ABI3BP: variants seen among roughly 807,000 people sequenced by gnomAD.
ABI3BP encodes ABI family member 3 binding protein, also known as target of Nesh-SH3.
In ABI3BP, 216 loss-of-function variants were observed where a neutral mutation model predicts 268.6. The observed-to-expected ratio is 0.80, with a 90% CI of 0.72 to 0.90. The LOEUF is 0.90. Among genes scored for constraint, ABI3BP ranks in the 40% least tolerant of loss-of-function variants. The pLI is 0.00. For missense variants in ABI3BP, 2,090 were observed against 2,182.4 expected, an observed-to-expected ratio of 0.96 and a Z score of 0.84; for synonymous variants, 730 against 730.0, an observed-to-expected ratio of 1.00 and a Z score of 0.00.
intron 4 of ABI3BP, among the ~76,000 whole-genome samples, chr3:100,894,735 C>A (rs933841113): frequency 1.1e-4 from 16 of 151,710 alleles, no homozygotes; most frequent in African/African-American, 3.1e-4. Flanking sequence ...GTCAGGAGAT[C>A]AAGAACATCC....
chr3:100,980,405 G>T (rs542586107), intron 1 of ABI3BP, among the ~76,000 whole-genome samples: 1 of 152,108 alleles, frequency 6.6e-6, no homozygotes, highest in East Asian at 1.9e-4. Flanking sequence ...ATCCAACATG[G>T]CATGCACAGT....
rs1226413134 is a variant in ABI3BP at position 100,921,628 on chromosome 3, A to G, written c.259+4674T>C. 2.0e-5 allele frequency among the ~76,000 whole-genome samples: 3 copies of G among 152,172 alleles called. No individual in the cohort carries two copies. In the East Asian group the frequency reaches 5.8e-4, roughly 29 times the overall value. ...ATATTTATTAATAGCCACTGGGGAA[A>G]ATACTGTTTTTCCTACTGCCCCTCT... On this transcript the variant is annotated intron_variant, in intron 2 of 67. Coordinates refer to ENST00000471714, the MANE Select transcript of ABI3BP (RefSeq NM_001375547.2).
At chr3:100,894,964 A>C (rs1420106738) in intron 4 of ABI3BP, among the ~76,000 whole-genome samples, 16 of 144,112 alleles carry the variant, frequency 1.1e-4, no homozygotes, top group African/African-American at 3.6e-4. Flanking sequence ...AAAAAAAAAA[A>C]AAACAGAAAA....
In ABI3BP at chr3:100,851,961, A is replaced by C. The variant is rs774868476; in HGVS notation, c.1286-21T>G. The stretch of plus-strand genomic sequence containing the variant: ...AGTTGCTTAAAAAAAAAAAAAAGGC[A>C]AAACAAGAGAGATGTTAATTTTGGT... On this transcript the variant is annotated intron_variant, in intron 14 of 67. Coordinates refer to ENST00000471714, the MANE Select transcript of ABI3BP (RefSeq NM_001375547.2). The C allele has an allele frequency of 2.9e-6, 4 of 1,362,672 alleles. No homozygotes were observed. Among genetic ancestry groups the C allele is most frequent in the Non-Finnish European group, 4.0e-6 (4 of 994,370 alleles). The allele number at this position is 1,362,672 out of a possible 1,614,324, so 84.4% of individuals were successfully genotyped here. A position where few individuals can be genotyped will look rare whatever the true frequency, so the allele number is the denominator to read the frequency against.
At chr3:100,772,069 T>C (rs1171029103) in intron 61 of ABI3BP, among the ~76,000 whole-genome samples, 1 of 152,224 alleles carries the variant, frequency 6.6e-6, no homozygotes, top group Non-Finnish European at 1.5e-5. Flanking sequence ...GATTTCTTAC[T>C]AGAAAGAATG....
chr3:100,856,733 T>A (rs188549038), intron 14 of ABI3BP, among the ~76,000 whole-genome samples: 182 of 152,304 alleles, frequency 1.2e-3, no homozygotes, highest in African/African-American at 4.1e-3. Context: ...TTAACACTTA[T>A]GGCATTATCA....
chr3:100,907,791 A>T, intron 2 of ABI3BP, among the ~76,000 whole-genome samples: 1 of 152,084 alleles, frequency 6.6e-6, no homozygotes, highest in East Asian at 1.9e-4. Context: ...AATTATTACC[A>T]CATACAGTTT....
At chr3:100,770,993 CT>C (rs2096529281) in intron 61 of ABI3BP, 41 bp from the exon 62 acceptor site, 1 of 1,431,564 alleles carries the variant, frequency 7.0e-7, no homozygotes, top group Non-Finnish European at 9.3e-7. Context: ...ATTTTTGAAA[CT>C]CATGAAGAAG....
At chr3:100,866,401 A>G (rs2099051471) in intron 10 of ABI3BP, among the ~76,000 whole-genome samples, 1 of 152,218 alleles carries the variant, frequency 6.6e-6, no homozygotes, top group Non-Finnish European at 1.5e-5. Context: ...TTACTGAACT[A>G]TTCTATATTC....
chr3:100,763,596 A>G (rs907242568), intron 63 of ABI3BP, among the ~76,000 whole-genome samples: 3 of 152,174 alleles, frequency 2.0e-5, no homozygotes, highest in African/African-American at 7.2e-5. Flanking sequence ...AATAAACAGG[A>G]CATATAATGA....
At chr3:100,761,701 GA>G (rs2095959498) in intron 63 of ABI3BP, among the ~76,000 whole-genome samples, 1 of 152,162 alleles carries the variant, frequency 6.6e-6, no homozygotes, top group African/African-American at 2.4e-5. Context: ...TGAGCATTCA[GA>G]ATTTCTAACA....
rs116329418 is a variant in ABI3BP at position 100,784,076 on chromosome 3, C to T, written c.4162+3652G>A. Among the ~76,000 whole-genome samples, 546 of 152,290 alleles carry T rather than the reference C, an allele frequency of 3.6e-3. 4 individuals carry two copies. Among genetic ancestry groups the T allele is most frequent in the Non-Finnish European group, 5.3e-3 (360 of 68,030 alleles). On this transcript the variant is annotated intron_variant, in intron 57 of 67. Transcript: ENST00000471714. ...AGCAATGTCTATCTACACATACATG[C>T]ATAAAATACACATACATCAGGGAAA...
rs143882099 is a variant in ABI3BP, at chr3:100,864,846, T to C, written c.1050A>G (p.Ser350=). The change falls in exon 11 of 68, where the codon TCA becomes TCG. Residue 350 remains serine, a synonymous_variant. Transcript: ENST00000471714. ...KPTTSSALDV[S]ETTLVLSKRT... ...TCTTAGAATTACCCAGTGTTGTTTC[T>C]GAAACATCTAATGCACTAGACGTAG... The C allele has an allele frequency of 4.8e-4, 766 of 1,605,438 alleles. 7 individuals carry two copies. In the East Asian group the frequency reaches 0.015, roughly 32 times the overall value.
At chr3:100,782,354 T>C (rs916832493) in intron 57 of ABI3BP, among the ~76,000 whole-genome samples, 4 of 152,138 alleles carry the variant, frequency 2.6e-5, no homozygotes, top group Non-Finnish European at 5.9e-5. Context: ...TCTTTTTTTT[T>C]TATCCAGGGA....
At chr3:100,894,918 G>A (rs1410858635) in intron 4 of ABI3BP, among the ~76,000 whole-genome samples, 7 of 73,914 alleles carry the variant, frequency 9.5e-5, no homozygotes, top group East Asian at 1.0e-3. Context: ...CAGCCTGGGC[G>A]ACAGAGCGGG....
chr3:100,937,696 C>A (rs1415430103), intron 1 of ABI3BP, among the ~76,000 whole-genome samples: 1 of 152,082 alleles, frequency 6.6e-6, no homozygotes, highest in Admixed American at 6.6e-5. Flanking sequence ...ATAAAGTTAG[C>A]AAGTCCTTTT....
chr3:100,942,374 T>TA (rs1423561143), intron 1 of ABI3BP, among the ~76,000 whole-genome samples: 1 of 152,126 alleles, frequency 6.6e-6, no homozygotes, highest in Non-Finnish European at 1.5e-5. Flanking sequence ...CCCATGAGGA[T>TA]AGATATACCA....
intron 62 of ABI3BP, among the ~76,000 whole-genome samples, chr3:100,769,435 G>A (rs2096467453): frequency 6.6e-6 from 1 of 152,126 alleles, no homozygotes; most frequent in Non-Finnish European, 1.5e-5. Flanking sequence ...TATACAATCA[G>A]AAAGGCCAAT....
intron 4 of ABI3BP, 35 bp from the exon 5 acceptor site, chr3:100,886,358 ACAGAGGGATT>A: frequency 7.0e-7 from 1 of 1,420,906 alleles, no homozygotes; most frequent in Non-Finnish European, 9.4e-7. Flanking sequence ...CTTTAAAATC[ACAGAGGGATT>A]CAGAATGTTA....
Sources: gnomAD v4.1 joint callset for allele counts (sites outside exome capture counted in the v4.1 genomes callset) on GRCh38, gnomAD v4.1.1 for gene constraint, MANE v1.5 for transcripts, NCBI Gene and HGNC (gene_info 2026-07-23, HGNC 2026-07-21) for gene names.